Variants in SLC15A5 observed in about 807,000 individuals in gnomAD.
SLC15A5 encodes the protein solute carrier family 15 member 5, also known as Peptide/histidine transporter ENSP00000340402.
In SLC15A5, 58 loss-of-function variants were observed where a neutral mutation model predicts 56.1. The observed-to-expected ratio is 1.03, with a 90% confidence interval of 0.84 to 1.29. The LOEUF (loss-of-function observed/expected upper bound fraction) is 1.29, where lower values mean the gene tolerates loss of function less well. Ranked by LOEUF, SLC15A5 falls within the 50% of genes most tolerant of loss-of-function variation. The pLI, the probability that SLC15A5 is intolerant of heterozygous loss-of-function variation, is 0.00. For missense variants in SLC15A5, 681 were observed against 672.1 expected (o/e 1.01, Z -0.15); for synonymous variants, 264 against 250.5 (o/e 1.05, Z -0.51).
Position 16,217,900 on chromosome 12 carries a change from C to T in SLC15A5, c.1352-876G>A, listed in dbSNP as rs572326817. On this transcript the variant is annotated intron_variant, in intron 6 of 8. Coordinates refer to ENST00000344941, the MANE Select transcript of SLC15A5 (RefSeq NM_001170798.1). Reference sequence around the variant, plus strand: ...TAGTAACAAGAGGTTAAAAAAACCACGAAAAAAATTTTTTTAAATTTTCAA... The same window carrying T: ...TAGTAACAAGAGGTTAAAAAAACCATGAAAAAAATTTTTTTAAATTTTCAA... 3.4e-3 allele frequency among the ~76,000 whole-genome samples: 516 copies of T among 151,474 alleles called. 4 individuals are homozygous for T. Among genetic ancestry groups the T allele is most frequent in the African/African-American group, 0.011 (464 of 41,240 alleles).
chr12:16,211,215 T>G (rs1187063660), intron 7 of SLC15A5, among the ~76,000 whole-genome samples: 1 of 152,236 alleles, frequency 6.6e-6, no homozygotes, highest in African/African-American at 2.4e-5. Context: ...TGAAATGCAG[T>G]TGGAATACTT....
At chr12:16,219,203 T>C (rs995655143) in intron 6 of SLC15A5, among the ~76,000 whole-genome samples, 2 of 152,046 alleles carry the variant, frequency 1.3e-5, no homozygotes, top group Non-Finnish European at 2.9e-5. Context: ...TGATTGGAGA[T>C]GAAGATAATA....
chr12:16,234,999 C>T (rs1277410316), intron 5 of SLC15A5, among the ~76,000 whole-genome samples: 3 of 151,578 alleles, frequency 2.0e-5, no homozygotes, highest in Admixed American at 6.6e-5. Flanking sequence ...TGAGAAATTC[C>T]CTTTGGATCC....
chr12:16,232,725 G>A (rs1864310211), intron 5 of SLC15A5, among the ~76,000 whole-genome samples: 1 of 152,062 alleles, frequency 6.6e-6, no homozygotes, highest in Non-Finnish European at 1.5e-5. Flanking sequence ...AGACCAGCCT[G>A]GGCAACATGA....
rs1161053342 is a variant in SLC15A5, at chr12:16,277,526, T to C, written c.160A>G (p.Arg54Gly). Residue 54 changes from arginine to glycine, a missense_variant, in exon 1 of 9, where the codon AGG (arginine) becomes GGG (glycine). Coordinates refer to ENST00000344941, the MANE Select transcript of SLC15A5 (RefSeq NM_001170798.1). Reference protein sequence around the residue: ...ICLLLVELCERFTFFEVVCNM... With the variant: ...ICLLLVELCEGFTFFEVVCNM... ...CAGACGACTTCAAAGAACGTGAACC[T>C]CTCACACAGCTCCACCAGAAGCAAG... 6.5e-7 allele frequency: 1 copy of C among 1,536,550 alleles called. No individual in the cohort carries two copies. The highest frequency in any genetic ancestry group is 2.0e-5 in the Admixed American group (1 of 50,950).
Position 16,235,546 on chromosome 12 carries a change from T to G in SLC15A5, c.1162+4135A>C, listed in dbSNP as rs544755624. Among the ~76,000 whole-genome samples the G allele has an allele frequency of 2.0e-5, 3 of 152,170 alleles. No individual in the cohort carries two copies. Among genetic ancestry groups the G allele is most frequent in the Admixed American group, 1.3e-4 (2 of 15,276 alleles). ...CCTCACCTCTGATTTAATTCCAACT[T>G]GATGTTACATTTAAGAATTGAGAAT... On this transcript the variant is annotated intron_variant, in intron 5 of 8. Transcript: ENST00000344941. The surrounding 1 kb of genome is among the most constrained non-coding windows in gnomAD (Gnocchi z 4.1).
At chr12:16,262,019 A>C (rs1381112417) in intron 2 of SLC15A5, among the ~76,000 whole-genome samples, 1 of 152,136 alleles carries the variant, frequency 6.6e-6, no homozygotes, top group Non-Finnish European at 1.5e-5. Context: ...TTTTTCATGG[A>C]TCGTCCTTTT....
intron 5 of SLC15A5, among the ~76,000 whole-genome samples, chr12:16,226,321 T>C (rs1397637776): frequency 3.3e-5 from 5 of 152,178 alleles, no homozygotes; most frequent in African/African-American, 1.2e-4. Flanking sequence ...CTACTTTTTA[T>C]TCAAGGTTGG....
At chr12:16,263,032 G>A (rs1310419842) in intron 2 of SLC15A5, among the ~76,000 whole-genome samples, 2 of 152,152 alleles carry the variant, frequency 1.3e-5, no homozygotes, top group African/African-American at 4.8e-5. Flanking sequence ...CCAGTAGCAT[G>A]GGGCACTGCT....
chr12:16,244,911 GTT>G, intron 3 of SLC15A5, 111 bp from the exon 4 acceptor site: 1 of 1,165,104 alleles, frequency 8.6e-7, no homozygotes, highest in Non-Finnish European at 1.2e-6. Context: ...AAGTGAGAAA[GTT>G]TTTAGCACCC....
rs1004084021 is a variant in SLC15A5 at position 16,213,104 on chromosome 12, G to T, written c.1483+3789C>A. On this transcript the variant is annotated intron_variant, in intron 7 of 8. Coordinates refer to ENST00000344941, the MANE Select transcript of SLC15A5 (RefSeq NM_001170798.1). Reference sequence around the variant, plus strand: ...CCCATTTTGTACCCATATTATGTTTGATTTTGGAAGCCATATTTTAAGAAA... The same window carrying T: ...CCCATTTTGTACCCATATTATGTTTTATTTTGGAAGCCATATTTTAAGAAA... Among the ~76,000 whole-genome samples the T allele has an allele frequency of 7.9e-5, 12 of 152,190 alleles. No homozygotes were observed. The South Asian group carries it at 1.0e-3, about 13-fold the overall frequency.
At chr12:16,223,924 G>T (rs138326686) in intron 6 of SLC15A5, among the ~76,000 whole-genome samples, 3 of 152,104 alleles carry the variant, frequency 2.0e-5, no homozygotes, top group Non-Finnish European at 2.9e-5. Flanking sequence ...CACCATGTTG[G>T]CCAGGATGGT....
chr12:16,191,649 T>C (rs1193962857), intron 8 of SLC15A5, among the ~76,000 whole-genome samples: 1 of 152,044 alleles, frequency 6.6e-6, no homozygotes, highest in Non-Finnish European at 1.5e-5. Flanking sequence ...AAATAATCAG[T>C]ATAGAAAAAA....
intron 2 of SLC15A5, among the ~76,000 whole-genome samples, chr12:16,260,458 C>T (rs1197170782): frequency 6.6e-6 from 1 of 151,316 alleles, no homozygotes; most frequent in African/African-American, 2.4e-5. Flanking sequence ...GGGCTCTTCT[C>T]ATATTGGCTA....
At chr12:16,204,122 A>G (rs1388448845) in intron 7 of SLC15A5, among the ~76,000 whole-genome samples, 1 of 152,140 alleles carries the variant, frequency 6.6e-6, no homozygotes, top group Non-Finnish European at 1.5e-5. Context: ...CAGTTTTTCT[A>G]AAATTAACTT....
Position 16,277,403 on chromosome 12 carries a change from C to T in SLC15A5, c.283G>A (p.Val95Met), listed in dbSNP as rs1565678203. 6.5e-7 allele frequency: 1 copy of T among 1,536,412 alleles called. No individual in the cohort carries two copies. Among genetic ancestry groups the T allele is most frequent in the East Asian group, 2.4e-5 (1 of 40,902 alleles). ...CFIGTSILTP[V>M]FVRWLTDVYL... is the part of the protein sequence containing the mutation. ...ACATCAGTGAGCCATCTGACAAACA[C>T]AGGGGTAAGTATTGAAGTTCCAATA... Residue 95 changes from valine (V) to methionine (M), a missense_variant, in exon 1 of 9, where the codon GTG becomes ATG. Transcript: ENST00000344941.
At chr12:16,275,840 C>T (rs750659577) in intron 1 of SLC15A5, among the ~76,000 whole-genome samples, 1 of 151,886 alleles carries the variant, frequency 6.6e-6, no homozygotes, top group Non-Finnish European at 1.5e-5. Flanking sequence ...ACTGGTGTGG[C>T]CTGTTACCAA....
intron 3 of SLC15A5, among the ~76,000 whole-genome samples, chr12:16,247,202 A>C (rs941083379): frequency 1.3e-5 from 2 of 152,308 alleles, no homozygotes; most frequent in African/African-American, 2.4e-5. Flanking sequence ...ACTTTGAAAA[A>C]TGAACTTGTT....
At chr12:16,259,024 C>CTTTTTTTTTTTTTT (rs5796661) in intron 2 of SLC15A5, among the ~76,000 whole-genome samples, 1 of 63,218 alleles carries the variant, frequency 1.6e-5, no homozygotes, top group African/African-American at 6.5e-5. Context: ...TCTTTCTTTC[C>CTTTTTTTTTTTTTT]TTTTTTTTTT....
Sources: gnomAD v4.1 joint callset for allele counts (sites outside exome capture counted in the v4.1 genomes callset) on GRCh38, gnomAD v4.1.1 for gene constraint, Gnocchi (gnomAD v3.1) non-coding constraint, MANE v1.5 for transcripts, NCBI Gene and HGNC (gene_info 2026-07-23, HGNC 2026-07-21) for gene names.